TYW1: variants seen among roughly 807,000 people sequenced by gnomAD.
TYW1 encodes S-adenosyl-L-methionine-dependent tRNA 4-demethylwyosine synthase TYW1.
Under a neutral mutation model 96.2 loss-of-function variants are expected in TYW1, and 46 were observed. The ratio of observed to expected loss-of-function variants is 0.48; its 90% CI spans 0.38 to 0.61. The LOEUF (loss-of-function observed/expected upper bound fraction) is 0.61. Among genes scored for constraint, TYW1 ranks in the 20% least tolerant of loss-of-function variants. The pLI, the probability that TYW1 is intolerant of heterozygous loss-of-function variation, is 0.00. For missense variants in TYW1, 684 were observed against 909.6 expected (o/e 0.75, Z 3.19); for synonymous variants, 274 against 323.0 (o/e 0.85, Z 1.63).
chr7:67,085,744 G>A (rs1408851654), intron 11 of TYW1, among the ~76,000 whole-genome samples: 1 of 152,024 alleles, frequency 6.6e-6, no homozygotes, highest in African/African-American at 2.4e-5. Flanking sequence ...TGAGGTAGGC[G>A]GATCACCTGA....
intron 4 of TYW1, among the ~76,000 whole-genome samples, chr7:67,010,911 G>T (rs1793775691): frequency 6.6e-6 from 1 of 152,154 alleles, no homozygotes; most frequent in African/African-American, 2.4e-5. Flanking sequence ...AATTAAGGAA[G>T]GGTTGTTATT....
chr7:67,156,546 G>A (rs1311862164), intron 13 of TYW1, among the ~76,000 whole-genome samples: 1 of 152,180 alleles, frequency 6.6e-6, no homozygotes, highest in Admixed American at 6.5e-5. Context: ...CGTCCTGGGA[G>A]TAGTCATCCT....
intron 15 of TYW1, among the ~76,000 whole-genome samples, chr7:67,230,650 CTCTTT>C (rs1291128119): frequency 9.1e-6 from 1 of 110,014 alleles, no homozygotes; most frequent in African/African-American, 4.2e-5. Flanking sequence ...TGCTTATTAT[CTCTTT>C]TTTTTTTTTT....
rs1393428220 is a variant in TYW1 at position 67,024,991 on chromosome 7, G to T, written c.953G>T (p.Gly318Val). The T allele has an allele frequency of 6.2e-7, 1 of 1,613,754 alleles. No homozygotes were observed. The highest frequency in any genetic ancestry group is 2.2e-5 in the East Asian group (1 of 44,858). Residue 318 changes from glycine to valine, a missense_variant, in exon 7 of 16, where the codon GGC becomes GTC. Physicochemically the swap from Gly to Val is moderately radical, Grantham distance 109. Transcript: ENST00000359626. ...LNSIVDVEDLGKIMDHVKKEK... is the reference protein window; with the variant it reads ...LNSIVDVEDLVKIMDHVKKEK... ...TCCATTGTTGATGTTGAAGATTTGG[G>T]CAAAATTATGGATCATGTGAAGAAA...
At chr7:67,210,015 C>T (rs1293802872) in intron 15 of TYW1, among the ~76,000 whole-genome samples, 1 of 152,084 alleles carries the variant, frequency 6.6e-6, no homozygotes, top group Non-Finnish European at 1.5e-5. Flanking sequence ...TGTTACAATT[C>T]GTGAGCCAAT....
chr7:67,149,057 A>G (rs1324550152), intron 13 of TYW1, among the ~76,000 whole-genome samples: 1 of 152,186 alleles, frequency 6.6e-6, no homozygotes, highest in Admixed American at 6.5e-5. Context: ...CCCGTTACCA[A>G]GTAGATTTCA....
chr7:67,165,474 C>G (rs1175810506), intron 13 of TYW1, among the ~76,000 whole-genome samples: 1 of 151,030 alleles, frequency 6.6e-6, no homozygotes, highest in African/African-American at 2.4e-5. Flanking sequence ...TAACCAATTC[C>G]GTGTAACCAT....
intron 1 of TYW1, 114 bp downstream of exon 1, chr7:66,997,096 A>T: frequency 1.3e-6 from 2 of 1,558,870 alleles, no homozygotes; most frequent in East Asian, 2.3e-5. Flanking sequence ...AGACTGTTGC[A>T]CTTGACAGCA....
At chr7:67,152,949 T>C (rs1798850672) in intron 13 of TYW1, among the ~76,000 whole-genome samples, 1 of 152,246 alleles carries the variant, frequency 6.6e-6, no homozygotes. Context: ...GGAACACAAC[T>C]GAGCTTATTG....
At chr7:67,175,487 A>G (rs2116276149) in intron 13 of TYW1, among the ~76,000 whole-genome samples, 1 of 152,320 alleles carries the variant, frequency 6.6e-6, no homozygotes, top group African/African-American at 2.4e-5. Flanking sequence ...GAATATTTAT[A>G]CCAAATTCTA....
intron 8 of TYW1, 36 bp from the exon 9 acceptor site, chr7:67,055,799 T>G: frequency 6.4e-7 from 1 of 1,550,962 alleles, no homozygotes; most frequent in Non-Finnish European, 8.7e-7. Flanking sequence ...ACGCTTTGGA[T>G]CAGTCCAACT....
intron 3 of TYW1, among the ~76,000 whole-genome samples, chr7:67,004,429 CTT>C (rs1372837173): frequency 1.3e-5 from 2 of 152,094 alleles, no homozygotes; most frequent in Non-Finnish European, 2.9e-5. Context: ...CTCCTGCACT[CTT>C]GTTTCCTCTC....
At chr7:67,135,675 A>G (rs1798232629) in intron 13 of TYW1, among the ~76,000 whole-genome samples, 1 of 151,838 alleles carries the variant, frequency 6.6e-6, no homozygotes, top group African/African-American at 2.4e-5. Context: ...TTTCTCTGTA[A>G]ATAAAGGATC....
intron 9 of TYW1, among the ~76,000 whole-genome samples, chr7:67,056,168 A>G (rs934055983): frequency 3.9e-5 from 6 of 152,140 alleles, no homozygotes; most frequent in African/African-American, 1.4e-4. Flanking sequence ...TCTAATTGCT[A>G]TTACTGTTAT....
At position 67,050,827 on chromosome 7, in the gene TYW1, CTA is replaced by C. The variant is rs1375758751; in HGVS notation, c.1102+763_1102+764del. 1.2e-4 allele frequency among the ~76,000 whole-genome samples: 18 copies of C among 151,912 alleles called. 1 individual carries two copies. The highest frequency in any genetic ancestry group is 1.0e-3 in the South Asian group (5 of 4,816). ...ATTAATTCATTTTTTAAAAATGACTCTATTTTATATTTTGTTTGCTTACTAGC... is the reference window on the plus strand; with the variant it reads ...ATTAATTCATTTTTTAAAAATGACTCTTTTATATTTTGTTTGCTTACTAGC... On this transcript the variant is annotated intron_variant, in intron 8 of 15. Coordinates refer to ENST00000359626, the MANE Select transcript of TYW1 (RefSeq NM_018264.4).
At chr7:67,017,822 T>G in intron 5 of TYW1, 31 bp from the exon 6 acceptor site, 1 of 1,588,938 alleles carries the variant, frequency 6.3e-7, no homozygotes, top group Non-Finnish European at 8.6e-7. Flanking sequence ...TAGAGAACCG[T>G]GCTTTTAGCC....
intron 15 of TYW1, among the ~76,000 whole-genome samples, chr7:67,223,280 A>G (rs1801455637): frequency 6.6e-6 from 1 of 152,040 alleles, no homozygotes; most frequent in Non-Finnish European, 1.5e-5. Context: ...GGACATTTGT[A>G]TCTTATCATG....
intron 15 of TYW1, among the ~76,000 whole-genome samples, chr7:67,206,664 T>TAAAA (rs66520846): frequency 5.0e-5 from 7 of 140,978 alleles, no homozygotes; most frequent in Admixed American, 2.2e-4. Context: ...AATAAATAAA[T>TAAAA]AAAATGAAGC....
At chr7:67,224,206 C>T (rs970448357) in intron 15 of TYW1, among the ~76,000 whole-genome samples, 11 of 152,230 alleles carry the variant, frequency 7.2e-5, no homozygotes, top group Admixed American at 6.5e-4. Context: ...CAGCTCACTG[C>T]AACCTCCGCC....
Sources: allele counts gnomAD v4.1 joint callset (sites outside exome capture counted in the v4.1 genomes callset), GRCh38; gene constraint gnomAD v4.1.1; transcripts MANE v1.5; gene names NCBI Gene and HGNC (gene_info 2026-07-23, HGNC 2026-07-21).